Variants in NEGR1 observed in about 807,000 individuals in gnomAD.
NEGR1 encodes the protein IgLON family member 4.
Under a neutral mutation model 40.9 loss-of-function variants are expected in NEGR1, and 10 were observed. The ratio of observed to expected loss-of-function variants is 0.24; its 90% confidence interval spans 0.15 to 0.42. The LOEUF (loss-of-function observed/expected upper bound fraction) is 0.42. Among genes scored for constraint, NEGR1 ranks in the 10% least tolerant of loss-of-function variants. The probability of loss-of-function intolerance (pLI) is 1.00; values close to 1 mark genes in which losing one functional copy is unlikely to be tolerated. For synonymous variants in NEGR1, 185 were observed against 166.8 expected (o/e 1.11, Z -0.84); for missense variants, 352 against 438.9 (o/e 0.80, Z 1.77).
chr1:71,697,910 C>T, intron 4 of NEGR1, 98 bp downstream of exon 4: 2 of 1,191,602 alleles, frequency 1.7e-6, no homozygotes, highest in Non-Finnish European at 2.4e-6. Flanking sequence ...TACCAATAGA[C>T]AACCTCTTAA....
intron 1 of NEGR1, among the ~76,000 whole-genome samples, chr1:72,156,160 T>A (rs890321133): frequency 2.6e-5 from 4 of 152,220 alleles, no homozygotes; most frequent in African/African-American, 9.6e-5. Context: ...TAAAATATTT[T>A]AGAAATTTTC....
intron 2 of NEGR1, among the ~76,000 whole-genome samples, chr1:71,828,830 A>G (rs1432583259): frequency 2.0e-5 from 3 of 151,934 alleles, no homozygotes; most frequent in Non-Finnish European, 2.9e-5. Flanking sequence ...TCAAGGAAAA[A>G]AAGGTTTGGC....
intron 1 of NEGR1, among the ~76,000 whole-genome samples, chr1:72,048,314 C>G (rs1647021986): frequency 6.6e-6 from 1 of 151,604 alleles, no homozygotes; most frequent in Non-Finnish European, 1.5e-5. Context: ...TTGTTTCAAT[C>G]ACAACTCCTT....
At chr1:71,488,313 C>T (rs1289036516) in intron 6 of NEGR1, among the ~76,000 whole-genome samples, 3 of 151,762 alleles carry the variant, frequency 2.0e-5, no homozygotes, top group African/African-American at 7.3e-5. Context: ...AGAAAGGATA[C>T]AGTGTTCTGG....
chr1:72,109,779 A>G (rs968218155), intron 1 of NEGR1, among the ~76,000 whole-genome samples: 9 of 151,740 alleles, frequency 5.9e-5, no homozygotes, highest in African/African-American at 2.2e-4. Flanking sequence ...GACAAAGAAC[A>G]ATGAATTTAT....
chr1:72,251,215 T>G (rs554236514), intron 1 of NEGR1, among the ~76,000 whole-genome samples: 1 of 152,302 alleles, frequency 6.6e-6, no homozygotes, highest in South Asian at 2.1e-4. Context: ...TAGTGCACCT[T>G]AAAGATATCA....
chr1:72,128,714 G>T (rs1388611860), intron 1 of NEGR1, among the ~76,000 whole-genome samples: 1 of 151,948 alleles, frequency 6.6e-6, no homozygotes, highest in Non-Finnish European at 1.5e-5. Context: ...CGAACCAAGG[G>T]GTGCCCAAAT....
chr1:71,510,282 C>T (rs550096871), intron 6 of NEGR1, among the ~76,000 whole-genome samples: 1 of 152,128 alleles, frequency 6.6e-6, no homozygotes, highest in South Asian at 2.1e-4. Context: ...TAACCTGATA[C>T]TATTAAAAAC....
At chr1:71,500,905 T>G (rs1009561058) in intron 6 of NEGR1, among the ~76,000 whole-genome samples, 4 of 152,094 alleles carry the variant, frequency 2.6e-5, no homozygotes, top group African/African-American at 9.6e-5. Flanking sequence ...TGTTTTGTTA[T>G]TTTTTATTTT....
chr1:72,087,299 C>T (rs190503389), intron 1 of NEGR1, among the ~76,000 whole-genome samples: 84 of 152,034 alleles, frequency 5.5e-4, no homozygotes, highest in Admixed American at 1.5e-3. Context: ...GGCAAGGTGG[C>T]GCGGATCTGT....
intron 2 of NEGR1, among the ~76,000 whole-genome samples, chr1:71,809,505 T>A (rs1314809798): frequency 3.9e-5 from 6 of 152,130 alleles, no homozygotes; most frequent in Non-Finnish European, 8.8e-5. Context: ...GTAAACCAAG[T>A]ATGCCCTTCA....
intron 6 of NEGR1, among the ~76,000 whole-genome samples, chr1:71,439,288 G>A (rs1311220721): frequency 2.6e-5 from 4 of 152,140 alleles, no homozygotes; most frequent in South Asian, 4.1e-4. Context: ...ATTCAAGAAC[G>A]AGCAAAAGTG....
rs555110231 is a variant in NEGR1, at chr1:71,912,451, C to T, written c.409+22628G>A. Among the ~76,000 whole-genome samples the T allele has an allele frequency of 1.7e-4, 26 of 152,180 alleles. No homozygotes were observed. The South Asian group carries it at 4.8e-3, about 28-fold the overall frequency. Reference sequence around the variant, plus strand: ...ACTGATGAGAAACTTTCATTTCATCCGTAACCTTAAATCCCTTCACCACAA... The same window carrying T: ...ACTGATGAGAAACTTTCATTTCATCTGTAACCTTAAATCCCTTCACCACAA... On this transcript the variant is annotated intron_variant, in intron 2 of 6. Coordinates refer to ENST00000357731, the MANE Select transcript of NEGR1 (RefSeq NM_173808.3).
intron 1 of NEGR1, among the ~76,000 whole-genome samples, chr1:71,979,293 C>A (rs555719917): frequency 1.5e-4 from 23 of 152,070 alleles, no homozygotes; most frequent in Non-Finnish European, 2.8e-4. Context: ...ATAATCTGTA[C>A]AATGAACCCC....
chr1:71,795,981 T>C (rs1224217429), intron 2 of NEGR1, among the ~76,000 whole-genome samples: 1 of 152,178 alleles, frequency 6.6e-6, no homozygotes, highest in Admixed American at 6.6e-5. Context: ...AAGTGGTGCA[T>C]TTCTGGGTGT....
chr1:71,808,480 G>A (rs1254927210), intron 2 of NEGR1, among the ~76,000 whole-genome samples: 1 of 152,120 alleles, frequency 6.6e-6, no homozygotes, highest in East Asian at 1.9e-4. Flanking sequence ...GATGAAGTAA[G>A]CCTGAGAAGA....
At chr1:72,081,639 C>G (rs1027708510) in intron 1 of NEGR1, among the ~76,000 whole-genome samples, 5 of 152,006 alleles carry the variant, frequency 3.3e-5, no homozygotes, top group Non-Finnish European at 7.4e-5. Context: ...GCCCAGCACT[C>G]AAGAGGTGAA....
intron 6 of NEGR1, among the ~76,000 whole-genome samples, chr1:71,489,103 TTGG>T (rs1646907637): frequency 6.6e-6 from 1 of 151,818 alleles, no homozygotes; most frequent in Admixed American, 6.6e-5. Context: ...GTATGTAGTC[TTGG>T]TGGACGGATT....
At chr1:72,088,796 C>CTCTTTTTTTTTTTTTTTTTT (rs1477735559) in intron 1 of NEGR1, among the ~76,000 whole-genome samples, 1 of 74,906 alleles carries the variant, frequency 1.3e-5, no homozygotes, top group Non-Finnish European at 2.5e-5. Context: ...CTCTCTCTCT[C>CTCTTTTTTTTTTTTTTTTTT]TTTTTTTTTT....
Sources: allele counts gnomAD v4.1 joint callset (sites outside exome capture counted in the v4.1 genomes callset), GRCh38; gene constraint gnomAD v4.1.1; transcripts MANE v1.5; gene names NCBI Gene and HGNC (gene_info 2026-07-23, HGNC 2026-07-21).